Variants in MTHFD2L observed in about 807,000 individuals in gnomAD.
MTHFD2L encodes the protein bifunctional methylenetetrahydrofolate dehydrogenase/cyclohydrolase 2, mitochondrial.
MTHFD2L carries 29 observed loss-of-function variants against 34.9 expected under a neutral mutation model. The ratio of observed to expected loss-of-function variants is 0.83; its 90% CI spans 0.62 to 1.13. The LOEUF is 1.13. MTHFD2L is among the 50% of genes most tolerant of loss of function. MTHFD2L has a pLI of 0.00. For missense variants in MTHFD2L, 481 were observed against 446.5 expected, an observed-to-expected ratio of 1.08 and a Z score of -0.70; for synonymous variants, 167 against 155.7, an observed-to-expected ratio of 1.07 and a Z score of -0.54.
In MTHFD2L at chr4:74,199,050, G is replaced by A. The variant is rs143690264; in HGVS notation, c.452-744G>A. Among the ~76,000 whole-genome samples the A allele has an allele frequency of 3.3e-5, 5 of 152,090 alleles. No homozygotes were observed. In the East Asian group the frequency reaches 9.7e-4, roughly 29 times the overall value. Reference sequence around the variant, plus strand: ...TAGAAAATATACTTTTAGTATATTAGGCATATGGGTTAATTGTTAGGTTAG... The same window carrying A: ...TAGAAAATATACTTTTAGTATATTAAGCATATGGGTTAATTGTTAGGTTAG... On this transcript the variant is annotated intron_variant, in intron 3 of 7. Coordinates refer to ENST00000325278, the MANE Select transcript of MTHFD2L (RefSeq NM_001144978.3).
chr4:74,120,016 C>A (rs1481248274), upstream of MTHFD2L, among the ~76,000 whole-genome samples: 1 of 152,050 alleles, frequency 6.6e-6, no homozygotes, highest in Non-Finnish European at 1.5e-5. Flanking sequence ...AGAACAGAAG[C>A]AATTATTGAA....
intron 6 of MTHFD2L, among the ~76,000 whole-genome samples, chr4:74,270,234 T>C (rs1745785289): frequency 6.6e-6 from 1 of 152,110 alleles, no homozygotes; most frequent in South Asian, 2.1e-4. Context: ...GTTTGTTACG[T>C]ATGTATACAT....
intron 6 of MTHFD2L, chr4:74,268,180 GT>G: frequency 3.1e-6 from 3 of 982,624 alleles, no homozygotes; most frequent in Non-Finnish European, 3.6e-6. Flanking sequence ...AGACACTGAG[GT>G]TTTTGTATTA....
intron 1 of MTHFD2L, among the ~76,000 whole-genome samples, chr4:74,168,790 C>T (rs1237242082): frequency 6.6e-6 from 1 of 152,082 alleles, no homozygotes; most frequent in East Asian, 1.9e-4. Context: ...TCAAGACAAG[C>T]CGGAGAGAAA....
At chr4:74,206,149 G>A (rs1047681259) in intron 5 of MTHFD2L, among the ~76,000 whole-genome samples, 4 of 150,192 alleles carry the variant, frequency 2.7e-5, no homozygotes, top group Admixed American at 2.0e-4. Flanking sequence ...AAAAAAAAAA[G>A]GGAAGCAGCC....
chr4:74,301,135 C>G (rs1051667232), intron 7 of MTHFD2L, among the ~76,000 whole-genome samples: 20 of 152,032 alleles, frequency 1.3e-4, no homozygotes, highest in African/African-American at 4.6e-4. Flanking sequence ...CCATTGCAAG[C>G]TGGGGACCAT....
intron 1 of MTHFD2L, among the ~76,000 whole-genome samples, chr4:74,162,505 C>CTT (rs3051352): frequency 7.2e-5 from 9 of 124,264 alleles, no homozygotes; most frequent in East Asian, 4.5e-4. Flanking sequence ...TCTCTCCCCA[C>CTT]TTTTTTTTTT....
chr4:74,221,187 A>G (rs1002193028), intron 5 of MTHFD2L, among the ~76,000 whole-genome samples: 1 of 147,786 alleles, frequency 6.8e-6, no homozygotes, highest in Non-Finnish European at 1.5e-5. Flanking sequence ...ATTATAGTCT[A>G]TCTAATTATT....
At chr4:74,196,100 G>GC (rs1733420846) in intron 3 of MTHFD2L, among the ~76,000 whole-genome samples, 1 of 152,044 alleles carries the variant, frequency 6.6e-6, no homozygotes, top group Non-Finnish European at 1.5e-5. Flanking sequence ...GTCCTAAAAG[G>GC]CTCACATTCA....
intron 6 of MTHFD2L, among the ~76,000 whole-genome samples, chr4:74,254,806 A>C (rs1009447742): frequency 8.0e-6 from 1 of 125,752 alleles, no homozygotes; most frequent in African/African-American, 3.0e-5. Context: ...TTAAAAGAGA[A>C]CGGTATTAAA....
chr4:74,142,858 A>G (rs1723360374), intron 1 of MTHFD2L, among the ~76,000 whole-genome samples: 1 of 152,216 alleles, frequency 6.6e-6, no homozygotes, highest in Admixed American at 6.5e-5. Flanking sequence ...GAATCTTAGT[A>G]AAGATTCTTA....
chr4:74,182,298 T>A (rs1730344902), intron 3 of MTHFD2L, among the ~76,000 whole-genome samples: 1 of 152,212 alleles, frequency 6.6e-6, no homozygotes, highest in South Asian at 2.1e-4. Flanking sequence ...CACCACTTTT[T>A]TGTGTGTTAA....
intron 3 of MTHFD2L, among the ~76,000 whole-genome samples, chr4:74,187,518 C>T (rs367790029): frequency 2.0e-5 from 3 of 152,124 alleles, no homozygotes; most frequent in East Asian, 3.8e-4. Context: ...AGATGTTCAA[C>T]ATCATTAGTC....
intron 7 of MTHFD2L, among the ~76,000 whole-genome samples, chr4:74,288,654 C>T (rs1364325308): frequency 6.6e-6 from 1 of 152,160 alleles, no homozygotes; most frequent in Non-Finnish European, 1.5e-5. Flanking sequence ...GGTTTCAAAG[C>T]ATGCTCCACT....
chr4:74,213,602 T>C (rs913402654), intron 5 of MTHFD2L, among the ~76,000 whole-genome samples: 3 of 152,178 alleles, frequency 2.0e-5, no homozygotes, highest in African/African-American at 7.2e-5. Flanking sequence ...TGTGCCTTTG[T>C]GGGTAACCTG....
At chr4:74,261,171 AAAGACTTCT>A (rs1457919651) in intron 6 of MTHFD2L, among the ~76,000 whole-genome samples, 4 of 152,072 alleles carry the variant, frequency 2.6e-5, no homozygotes, top group Non-Finnish European at 5.9e-5. Context: ...GTTAGGAGAC[AAAGACTTCT>A]AAGAGGAGAC....
At chr4:74,253,834 T>C (rs1743639879) in intron 6 of MTHFD2L, among the ~76,000 whole-genome samples, 1 of 151,980 alleles carries the variant, frequency 6.6e-6, no homozygotes, top group Non-Finnish European at 1.5e-5. Context: ...CCATGCAGAC[T>C]CAGGCCCCAG....
intron 6 of MTHFD2L, among the ~76,000 whole-genome samples, chr4:74,238,739 G>T (rs1432507028): frequency 3.9e-5 from 6 of 152,204 alleles, no homozygotes; most frequent in Non-Finnish European, 7.3e-5. Context: ...AAGAAAAAAT[G>T]CTCATCGTTA....
intron 1 of MTHFD2L, among the ~76,000 whole-genome samples, chr4:74,144,854 G>A (rs980554564): frequency 2.0e-5 from 3 of 152,042 alleles, no homozygotes; most frequent in African/African-American, 7.2e-5. Flanking sequence ...TACCTATATA[G>A]AGACTTCCTA....
Sources: gnomAD v4.1 joint callset for allele counts (sites outside exome capture counted in the v4.1 genomes callset) on GRCh38, gnomAD v4.1.1 for gene constraint, MANE v1.5 for transcripts, NCBI Gene and HGNC (gene_info 2026-07-23, HGNC 2026-07-21) for gene names.